ARL15: variants seen among roughly 807,000 people sequenced by gnomAD.
ARL15 encodes the protein ADP-ribosylation factor-like protein 15.
A neutral mutation model predicts 25.2 loss-of-function variants in ARL15; 19 were observed. That is an observed-to-expected ratio of 0.75 (90% CI 0.53 to 1.10). The LOEUF is 1.10. ARL15 is among the 50% of genes least tolerant of loss of function. ARL15 has a pLI of 0.00. For missense variants in ARL15, 220 were observed against 246.0 expected, an observed-to-expected ratio of 0.89 and a Z score of 0.71; for synonymous variants, 94 against 86.8, an observed-to-expected ratio of 1.08 and a Z score of -0.46.
intron 1 of ARL15, among the ~76,000 whole-genome samples, chr5:54,306,476 T>C (rs1266127875): frequency 6.6e-6 from 1 of 151,016 alleles, no homozygotes; most frequent in African/African-American, 2.4e-5. Context: ...CTGCAACCTC[T>C]GCCTCCTGGG....
intron 4 of ARL15, among the ~76,000 whole-genome samples, chr5:53,911,255 G>T (rs757681119): frequency 1.3e-5 from 2 of 152,180 alleles, no homozygotes; most frequent in African/African-American, 4.8e-5. Flanking sequence ...AAATTCTTCA[G>T]TAGGTCAAGT....
At chr5:54,132,530 A>C (rs1753469033) in intron 3 of ARL15, among the ~76,000 whole-genome samples, 2 of 152,192 alleles carry the variant, frequency 1.3e-5, no homozygotes, top group Non-Finnish European at 2.9e-5. Context: ...AAAGAATTTT[A>C]ATTTGTTATT....
intron 2 of ARL15, among the ~76,000 whole-genome samples, chr5:54,160,305 T>C (rs554049656): frequency 6.6e-6 from 1 of 152,388 alleles, no homozygotes. Flanking sequence ...TTGAAGCTAA[T>C]ACTGAAGTTA....
In ARL15 at chr5:54,199,748, G is replaced by T. The variant is rs1256898185; in HGVS notation, c.49-27820C>A. ...GAAGTCAGTGTGGCGATTCCTCAGG[G>T]ATCTAGAACTAGAAATACCATTTGA... On this transcript the variant is annotated intron_variant, in intron 1 of 4. Transcript: ENST00000504924. 4.8e-5 allele frequency among the ~76,000 whole-genome samples: 7 copies of T among 147,132 alleles called. No individual in the cohort carries two copies. The Admixed American group carries it at 4.8e-4, about 10-fold the overall frequency.
rs571858601 is a variant in ARL15 at position 53,973,466 on chromosome 5, C to T, written c.463-86753G>A. Among the ~76,000 whole-genome samples, 12 of 150,714 alleles carry T rather than the reference C, an allele frequency of 8.0e-5. No individual in the cohort carries two copies. In the South Asian group the frequency reaches 1.5e-3, roughly 19 times the overall value. Reference sequence around the variant, plus strand: ...GCGGGCGCCTGTAATTCCACCTACTCGGAAGGCTGAGGCAGGAGAATCACT... The same window carrying T: ...GCGGGCGCCTGTAATTCCACCTACTTGGAAGGCTGAGGCAGGAGAATCACT... On this transcript the variant is annotated intron_variant, in intron 4 of 4. Coordinates refer to ENST00000504924, the MANE Select transcript of ARL15 (RefSeq NM_019087.3).
At chr5:54,068,998 T>C (rs553669302) in intron 4 of ARL15, among the ~76,000 whole-genome samples, 5 of 152,336 alleles carry the variant, frequency 3.3e-5, no homozygotes, top group African/African-American at 1.2e-4. Flanking sequence ...GTTAATTGTA[T>C]TGTCATTTTC....
chr5:53,916,573 T>C (rs1464318411), intron 4 of ARL15, among the ~76,000 whole-genome samples: 1 of 152,116 alleles, frequency 6.6e-6, no homozygotes, highest in Non-Finnish European at 1.5e-5. Context: ...TTATTATTAT[T>C]TGGAAAGTGC....
intron 4 of ARL15, among the ~76,000 whole-genome samples, chr5:53,949,112 G>A (rs377417943): frequency 5.2e-4 from 79 of 152,236 alleles, no homozygotes; most frequent in South Asian, 5.2e-3. Context: ...CACATGGAAG[G>A]TGCTTGATAA....
intron 3 of ARL15, among the ~76,000 whole-genome samples, chr5:54,125,064 T>A (rs1753202400): frequency 1.3e-5 from 2 of 151,302 alleles, no homozygotes; most frequent in Non-Finnish European, 2.9e-5. Context: ...GGTAAGCAAG[T>A]TTTTTGTTTT....
intron 4 of ARL15, among the ~76,000 whole-genome samples, chr5:53,891,832 G>T (rs965209269): frequency 2.0e-5 from 3 of 152,180 alleles, no homozygotes; most frequent in African/African-American, 7.2e-5. Context: ...CAGCCGCTCT[G>T]TCCTGAACGA....
chr5:54,026,584 T>C (rs909249226), intron 4 of ARL15, among the ~76,000 whole-genome samples: 1 of 152,172 alleles, frequency 6.6e-6, no homozygotes, highest in African/African-American at 2.4e-5. Flanking sequence ...CCTTTCAATT[T>C]ATAATTCTGA....
chr5:54,147,352 A>G (rs1431524025), intron 3 of ARL15, among the ~76,000 whole-genome samples: 1 of 152,200 alleles, frequency 6.6e-6, no homozygotes, highest in Non-Finnish European at 1.5e-5. Flanking sequence ...GGAGCTTTAG[A>G]TAATTGAAAA....
chr5:53,982,171 T>C (rs1292847907), intron 4 of ARL15, among the ~76,000 whole-genome samples: 1 of 127,328 alleles, frequency 7.9e-6, no homozygotes, highest in Non-Finnish European at 1.8e-5. Flanking sequence ...TTTTAAACAT[T>C]CTTTTTTTTT....
intron 1 of ARL15, among the ~76,000 whole-genome samples, chr5:54,271,348 T>A (rs35921): frequency 0.75 from 113,334 of 152,064 alleles, 42,925 homozygotes; most frequent in Non-Finnish European, 0.79. Context: ...ATCCACAGAT[T>A]CTCAAATCTA....
intron 1 of ARL15, among the ~76,000 whole-genome samples, chr5:54,211,790 C>T (rs1330704153): frequency 2.6e-5 from 4 of 151,954 alleles, no homozygotes; most frequent in Non-Finnish European, 4.4e-5. Context: ...TACTTTTATA[C>T]TCTTATCTTA....
At chr5:53,939,595 C>T (rs892631836) in intron 4 of ARL15, among the ~76,000 whole-genome samples, 1 of 151,818 alleles carries the variant, frequency 6.6e-6, no homozygotes, top group African/African-American at 2.4e-5. Flanking sequence ...ATTAGCTAGG[C>T]GTGGTGGGGC....
At chr5:54,074,780 T>C (rs556199127) in intron 4 of ARL15, among the ~76,000 whole-genome samples, 2 of 152,210 alleles carry the variant, frequency 1.3e-5, no homozygotes, top group South Asian at 4.2e-4. Context: ...TGAAGCTTAA[T>C]TTTTAAGTTA....
chr5:54,085,330 A>G (rs1412999537), intron 4 of ARL15, among the ~76,000 whole-genome samples: 1 of 152,210 alleles, frequency 6.6e-6, no homozygotes, highest in Non-Finnish European at 1.5e-5. Flanking sequence ...TTTACTCCCA[A>G]TGACCTCATT....
intron 1 of ARL15, among the ~76,000 whole-genome samples, chr5:54,289,118 C>T (rs1758257113): frequency 6.6e-6 from 1 of 152,202 alleles, no homozygotes; most frequent in Non-Finnish European, 1.5e-5. Flanking sequence ...ATCGGCAATT[C>T]CTTTGAAAGG....
Sources: allele counts gnomAD v4.1 joint callset (sites outside exome capture counted in the v4.1 genomes callset), GRCh38; gene constraint gnomAD v4.1.1; transcripts MANE v1.5; gene names NCBI Gene and HGNC (gene_info 2026-07-23, HGNC 2026-07-21).